Variants in KCND2 observed in about 807,000 individuals in gnomAD.
The protein encoded by KCND2 is potassium voltage-gated channel subfamily D member 2.
KCND2 carries 16 observed loss-of-function variants against 54.4 expected under a neutral mutation model. That is an observed-to-expected ratio of 0.29 (90% CI 0.20 to 0.45). The LOEUF is 0.45. Among genes scored for constraint, KCND2 ranks in the 20% least tolerant of loss-of-function variants. KCND2 has a pLI of 1.00. For synonymous variants in KCND2, 317 were observed against 310.7 expected (o/e 1.02, Z -0.21); for missense variants, 486 against 824.2 (o/e 0.59, Z 5.02).
At chr7:120,342,317 C>G (rs969856778) in intron 1 of KCND2, among the ~76,000 whole-genome samples, 18 of 152,076 alleles carry the variant, frequency 1.2e-4, no homozygotes, top group Admixed American at 5.9e-4. Context: ...ATGTAAAACA[C>G]CTGGCATAGA....
intron 1 of KCND2, among the ~76,000 whole-genome samples, chr7:120,473,545 C>A (rs897670315): frequency 2.6e-5 from 4 of 152,158 alleles, no homozygotes; most frequent in Non-Finnish European, 5.9e-5. Context: ...CCTCCACCCC[C>A]AGCTATTCTT....
At chr7:120,669,547 G>A (rs1315721610) in intron 1 of KCND2, among the ~76,000 whole-genome samples, 1 of 152,052 alleles carries the variant, frequency 6.6e-6, no homozygotes, top group African/African-American at 2.4e-5. Context: ...CAGGTAAGGA[G>A]ACACAAAAAG....
At position 120,490,907 on chromosome 7, in the gene KCND2, G is replaced by A. The variant is rs144584985; in HGVS notation, c.1115+215160G>A. 7.6e-3 allele frequency among the ~76,000 whole-genome samples: 1,155 copies of A among 152,196 alleles called. 13 individuals carry two copies. Among genetic ancestry groups the A allele is most frequent in the African/African-American group, 0.027 (1,108 of 41,544 alleles). On this transcript the variant is annotated intron_variant, in intron 1 of 5. Transcript: ENST00000331113. Reference sequence around the variant, plus strand: ...GTCATCTCATTGCTGAAGTTATAACGAGATTTTGGGAATCACAGCAGAAAG... The same window carrying A: ...GTCATCTCATTGCTGAAGTTATAACAAGATTTTGGGAATCACAGCAGAAAG...
intron 1 of KCND2, among the ~76,000 whole-genome samples, chr7:120,577,898 T>A (rs189675236): frequency 2.0e-5 from 3 of 152,250 alleles, no homozygotes; most frequent in Admixed American, 2.0e-4. Flanking sequence ...CCTTGGTATT[T>A]TTAAGAAAAA....
intron 1 of KCND2, among the ~76,000 whole-genome samples, chr7:120,609,444 G>T (rs189645742): frequency 1.6e-4 from 24 of 152,178 alleles, no homozygotes; most frequent in African/African-American, 5.3e-4. Flanking sequence ...GCCAGAAACC[G>T]ATCCACTCAT....
chr7:120,381,807 T>C (rs889936027), intron 1 of KCND2, among the ~76,000 whole-genome samples: 3 of 152,086 alleles, frequency 2.0e-5, no homozygotes, highest in Non-Finnish European at 4.4e-5. Flanking sequence ...GTAAAAAGTC[T>C]TTTTAAGTAT....
intron 1 of KCND2, among the ~76,000 whole-genome samples, chr7:120,669,286 C>T (rs2116570631): frequency 6.6e-6 from 1 of 152,132 alleles, no homozygotes; most frequent in East Asian, 1.9e-4. Context: ...TTCCCATGTC[C>T]TTCTCCAAGT....
intron 1 of KCND2, among the ~76,000 whole-genome samples, chr7:120,705,122 A>T (rs1792450170): frequency 6.6e-6 from 1 of 152,258 alleles, no homozygotes. Flanking sequence ...GCTATGTCTG[A>T]TATTCTCTCA....
At chr7:120,670,833 A>G (rs1448007967) in intron 1 of KCND2, among the ~76,000 whole-genome samples, 4 of 151,186 alleles carry the variant, frequency 2.6e-5, no homozygotes, top group African/African-American at 7.3e-5. Context: ...GGAGAATGGC[A>G]TGAACTTGGG....
At chr7:120,669,964 T>C (rs1476143061) in intron 1 of KCND2, among the ~76,000 whole-genome samples, 3 of 152,098 alleles carry the variant, frequency 2.0e-5, no homozygotes, top group Non-Finnish European at 4.4e-5. Flanking sequence ...GATAAAGATA[T>C]GTTAATTACA....
chr7:120,463,464 T>C (rs1232753332), intron 1 of KCND2, among the ~76,000 whole-genome samples: 1 of 151,924 alleles, frequency 6.6e-6, no homozygotes, highest in Non-Finnish European at 1.5e-5. Context: ...TACATTGTGT[T>C]AAGTGTAATT....
At chr7:120,559,328 G>A (rs759267869) in intron 1 of KCND2, among the ~76,000 whole-genome samples, 4 of 152,128 alleles carry the variant, frequency 2.6e-5, no homozygotes, top group Non-Finnish European at 4.4e-5. Flanking sequence ...CAGGCATTGT[G>A]CACACACAAT....
At chr7:120,707,005 T>C (rs1792477259) in intron 1 of KCND2, among the ~76,000 whole-genome samples, 1 of 152,300 alleles carries the variant, frequency 6.6e-6, no homozygotes, top group Admixed American at 6.5e-5. Context: ...TGTGTAGTAC[T>C]ATTACAGGTT....
chr7:120,286,939 C>T (rs944697863), intron 1 of KCND2, among the ~76,000 whole-genome samples: 38 of 151,976 alleles, frequency 2.5e-4, no homozygotes, highest in African/African-American at 8.9e-4. Context: ...TTGAATAAAA[C>T]ATTGCTGAGC....
chr7:120,537,625 A>G (rs771509035), intron 1 of KCND2, among the ~76,000 whole-genome samples: 9 of 152,176 alleles, frequency 5.9e-5, no homozygotes, highest in Non-Finnish European at 1.2e-4. Context: ...TACCTTCATC[A>G]ATTAACTTAG....
At chr7:120,639,296 A>G (rs1026430035) in intron 1 of KCND2, among the ~76,000 whole-genome samples, 1 of 152,188 alleles carries the variant, frequency 6.6e-6, no homozygotes, top group African/African-American at 2.4e-5. Flanking sequence ...GTCCTCTTTT[A>G]CTATGGGAAC....
chr7:120,352,923 T>C (rs1213023544), intron 1 of KCND2, among the ~76,000 whole-genome samples: 1 of 152,040 alleles, frequency 6.6e-6, no homozygotes, highest in African/African-American at 2.4e-5. Flanking sequence ...GAAGATCATA[T>C]TCTAGGAGTG....
At chr7:120,437,567 C>T (rs1196331007) in intron 1 of KCND2, among the ~76,000 whole-genome samples, 4 of 151,888 alleles carry the variant, frequency 2.6e-5, no homozygotes, top group African/African-American at 9.7e-5. Flanking sequence ...AAAAAAGATA[C>T]TAAGTGCAGA....
At chr7:120,301,209 A>C (rs1041976327) in intron 1 of KCND2, among the ~76,000 whole-genome samples, 2 of 152,190 alleles carry the variant, frequency 1.3e-5, no homozygotes, top group Admixed American at 6.5e-5. Context: ...TTGCTACAAC[A>C]AGATTCTGAG....
Sources: allele counts gnomAD v4.1 joint callset (sites outside exome capture counted in the v4.1 genomes callset), GRCh38; gene constraint gnomAD v4.1.1; transcripts MANE v1.5; gene names NCBI Gene and HGNC (gene_info 2026-07-23, HGNC 2026-07-21).